The following SYNE2 variants were observed in gnomAD, a reference collection of about 807,000 sequenced individuals.
SYNE2 encodes the protein spectrin repeat containing nuclear envelope protein 2.
In SYNE2, 431 loss-of-function variants were observed where a neutral mutation model predicts 856.3. That is an observed-to-expected ratio of 0.50 (90% CI 0.47 to 0.55). The LOEUF (loss-of-function observed/expected upper bound fraction) is 0.55. Among genes scored for constraint, SYNE2 ranks in the 20% least tolerant of loss-of-function variants. The pLI is 0.00. For missense variants in SYNE2, 8,129 were observed against 8,023.2 expected, an observed-to-expected ratio of 1.01 and a Z score of -0.50; for synonymous variants, 2,923 against 2,872.3, an observed-to-expected ratio of 1.02 and a Z score of -0.56.
intron 11 of SYNE2, 150 bp from the exon 12 acceptor site, chr14:63,976,413 C>T: frequency 2.6e-6 from 2 of 759,688 alleles, no homozygotes; most frequent in African/African-American, 1.8e-5. Context: ...AAGAAATTTA[C>T]CCATTGATGA....
intron 3 of SYNE2, among the ~76,000 whole-genome samples, 197 bp from the exon 4 acceptor site, chr14:63,941,498 T>C (rs1406979806): frequency 1.3e-5 from 2 of 152,340 alleles, no homozygotes; most frequent in African/African-American, 4.8e-5. Context: ...TTACAGGAAA[T>C]TAGCCATAAG....
At chr14:64,103,891 A>G (rs1472275620) in intron 64 of SYNE2, among the ~76,000 whole-genome samples, 1 of 151,812 alleles carries the variant, frequency 6.6e-6, no homozygotes, top group African/African-American at 2.4e-5. Context: ...GCTCCAAGAA[A>G]CCTCCTGACA....
chr14:63,866,142 GT>G (rs1331273808), intron 1 of SYNE2, among the ~76,000 whole-genome samples: 1 of 152,130 alleles, frequency 6.6e-6, no homozygotes, highest in African/African-American at 2.4e-5. Flanking sequence ...CACCACTTAA[GT>G]TGTTTCCTCT....
chr14:63,970,504 C>T (rs950063847), intron 11 of SYNE2, among the ~76,000 whole-genome samples: 3 of 151,996 alleles, frequency 2.0e-5, no homozygotes, highest in Non-Finnish European at 4.4e-5. Context: ...AGCCTATCCC[C>T]TCTCTTTTAA....
At chr14:64,158,288 G>T (rs2098301734) in intron 85 of SYNE2, among the ~76,000 whole-genome samples, 1 of 152,122 alleles carries the variant, frequency 6.6e-6, no homozygotes, top group African/African-American at 2.4e-5. Flanking sequence ...CCAATAAGTT[G>T]CCCAAGGTCA....
intron 2 of SYNE2, among the ~76,000 whole-genome samples, chr14:63,918,779 A>T (rs561468869): frequency 6.6e-6 from 1 of 152,178 alleles, no homozygotes; most frequent in African/African-American, 2.4e-5. Context: ...GCACAATTTC[A>T]TCAGTGGTGT....
intron 65 of SYNE2, among the ~76,000 whole-genome samples, chr14:64,111,183 T>TG (rs1486721114): frequency 3.4e-5 from 5 of 148,986 alleles, no homozygotes; most frequent in Non-Finnish European, 7.4e-5. Flanking sequence ...TTGGGCAACA[T>TG]GGCAAGACCC....
At chr14:64,137,732 G>C in intron 78 of SYNE2, 55 bp from the exon 79 acceptor site, 1 of 1,585,468 alleles carries the variant, frequency 6.3e-7, no homozygotes, top group Non-Finnish European at 8.6e-7. Context: ...TTTGTGAATA[G>C]CTTGGCAGAC....
intron 1 of SYNE2, among the ~76,000 whole-genome samples, chr14:63,780,654 G>A (rs1887274440): frequency 6.6e-6 from 1 of 152,136 alleles, no homozygotes; most frequent in Admixed American, 6.6e-5. Context: ...GAACAAGTCT[G>A]GCTCTGGTAA....
intron 93 of SYNE2, 148 bp downstream of exon 93, chr14:64,169,119 A>G: frequency 4.3e-6 from 3 of 690,648 alleles, no homozygotes; most frequent in South Asian, 1.5e-5. Flanking sequence ...GCTTCTAACT[A>G]TGTAGTGGGA....
intron 19 of SYNE2, among the ~76,000 whole-genome samples, chr14:63,988,005 A>G (rs1170038867): frequency 6.6e-6 from 1 of 152,240 alleles, no homozygotes; most frequent in Non-Finnish European, 1.5e-5. Context: ...AAATATCTGT[A>G]AAGATATACC....
At chr14:64,149,116 A>G (rs1303723640) in intron 84 of SYNE2, among the ~76,000 whole-genome samples, 1 of 151,438 alleles carries the variant, frequency 6.6e-6, no homozygotes, top group Non-Finnish European at 1.5e-5. Flanking sequence ...AAAACCAGCC[A>G]GGGCAACATA....
At position 63,999,515 on chromosome 14, in the gene SYNE2, G is replaced by A. The variant is rs146357295; in HGVS notation, c.3480+475G>A. ...GTGATTGCTGACTGTCTGATGTTGG[G>A]CATTTAGGGCACTGGAGGGAGTTTT... is the stretch of plus-strand genomic sequence containing the variant. On this transcript the variant is annotated intron_variant, in intron 27 of 115. Transcript: ENST00000555002. 2.3e-3 allele frequency among the ~76,000 whole-genome samples: 356 copies of A among 152,288 alleles called. 2 individuals carry two copies. The highest frequency in any genetic ancestry group is 3.8e-3 in the Admixed American group (58 of 15,304).
rs1187130983 is a variant in SYNE2, at chr14:64,223,394, T to C, written c.20382+14T>C. The C allele has an allele frequency of 1.9e-6, 3 of 1,613,214 alleles. No homozygotes were observed. The highest frequency in any genetic ancestry group is 2.5e-6 in the Non-Finnish European group (3 of 1,179,578). ...CAGGGAACCCAGGTGAGTCTACTTG[T>C]AGCTTTTAACTGTAAAGATTGCCGT... is the stretch of plus-strand genomic sequence containing the variant. On this transcript the variant is annotated intron_variant, in intron 113 of 115. Coordinates refer to ENST00000555002, the MANE Select transcript of SYNE2 (RefSeq NM_182914.3).
Position 63,981,026 on chromosome 14 carries a change from G to T in SYNE2, c.1689G>T (p.Val563=). ...CQNINKQYMM[V]KSDVCMYRKN... ...ATATTAATAAACAGTATATGATGGT[G>T]AAATCTGATGTTTGTATGTATAGAA... The change falls in exon 16 of 116, where the codon GTG becomes GTT. Residue 563 remains valine (V), a synonymous_variant. Coordinates refer to ENST00000555002, the MANE Select transcript of SYNE2 (RefSeq NM_182914.3). The T allele has an allele frequency of 6.4e-7, 1 of 1,573,380 alleles. No homozygotes were observed. Among genetic ancestry groups the T allele is most frequent in the Non-Finnish European group, 8.7e-7 (1 of 1,144,156 alleles).
chr14:64,073,713 G>C (rs2097432061), intron 52 of SYNE2, among the ~76,000 whole-genome samples: 1 of 152,200 alleles, frequency 6.6e-6, no homozygotes, highest in African/African-American at 2.4e-5. Flanking sequence ...AGAAATGTCA[G>C]TTACAGTGTA....
intron 58 of SYNE2, among the ~76,000 whole-genome samples, chr14:64,088,581 G>A (rs941464673): frequency 1.3e-5 from 2 of 152,130 alleles, no homozygotes; most frequent in Non-Finnish European, 2.9e-5. Flanking sequence ...GACCTGCCTG[G>A]GTACTACAGT....
intron 103 of SYNE2, among the ~76,000 whole-genome samples, chr14:64,210,579 G>A (rs754744264): frequency 6.6e-6 from 1 of 152,240 alleles, no homozygotes; most frequent in Non-Finnish European, 1.5e-5. Context: ...GCACTGGGGG[G>A]TTGGGGACTG....
At chr14:63,967,259 T>C (rs2153453676) in intron 10 of SYNE2, among the ~76,000 whole-genome samples, 1 of 152,356 alleles carries the variant, frequency 6.6e-6, no homozygotes, top group Non-Finnish European at 1.5e-5. Flanking sequence ...TCAAAGTTTA[T>C]ATAAAATGAA....
Sources: gnomAD v4.1 joint callset for allele counts (sites outside exome capture counted in the v4.1 genomes callset) on GRCh38, gnomAD v4.1.1 for gene constraint, MANE v1.5 for transcripts, NCBI Gene and HGNC (gene_info 2026-07-23, HGNC 2026-07-21) for gene names.